DOCK8: variants seen among roughly 807,000 people sequenced by gnomAD.
The protein encoded by DOCK8 is dedicator of cytokinesis 8.
DOCK8 carries 141 observed loss-of-function variants against 245.6 expected under a neutral mutation model. That is an observed-to-expected ratio of 0.57 (90% CI 0.50 to 0.66). The LOEUF (loss-of-function observed/expected upper bound fraction) is 0.66, where lower values mean the gene tolerates loss of function less well. Ranked by LOEUF, DOCK8 falls within the 30% of genes least tolerant of loss-of-function variation. The probability of loss-of-function intolerance (pLI) is 0.00; values close to 1 mark genes in which losing one functional copy is unlikely to be tolerated. For synonymous variants in DOCK8, 1,168 were observed against 970.2 expected (o/e 1.20, Z -3.79); for missense variants, 2,965 against 2,603.4 (o/e 1.14, Z -3.02).
intron 40 of DOCK8, among the ~76,000 whole-genome samples, chr9:440,954 G>A (rs1241469396): frequency 6.6e-6 from 1 of 152,008 alleles, no homozygotes; most frequent in African/African-American, 2.4e-5. Context: ...AGGATGATCT[G>A]AACTTCTGGG....
At chr9:257,047 A>G (rs1243834681) in intron 1 of DOCK8, among the ~76,000 whole-genome samples, 1 of 152,182 alleles carries the variant, frequency 6.6e-6, no homozygotes, top group Non-Finnish European at 1.5e-5. Context: ...GCTTTTTCTT[A>G]AAGTAAATAA....
At chr9:331,537 A>G (rs966336470) in intron 9 of DOCK8, among the ~76,000 whole-genome samples, 5 of 152,104 alleles carry the variant, frequency 3.3e-5, no homozygotes, top group African/African-American at 9.7e-5. Context: ...TGTTGACCCA[A>G]ATTCTTTCTT....
chr9:464,418 G>A lies in DOCK8; in HGVS notation c.*199G>A. ...TGACCAGATTTTTGCCATACTGGGG[G>A]GTGGCGGGATGGAGGATGGGTACTC... On this transcript the variant is annotated 3_prime_UTR_variant, in exon 48 of 48. Coordinates refer to ENST00000432829, the MANE Select transcript of DOCK8 (RefSeq NM_203447.4). 3.1e-6 allele frequency: 2 copies of A among 643,394 alleles called. No homozygotes were observed. The highest frequency in any genetic ancestry group is 5.6e-6 in the Non-Finnish European group (2 of 358,978). The allele number at this position is 643,394 out of a possible 1,614,324, so 39.9% of individuals were successfully genotyped here.
intron 7 of DOCK8, among the ~76,000 whole-genome samples, chr9:323,166 C>G (rs2050597259): frequency 6.7e-6 from 1 of 149,572 alleles, no homozygotes. Context: ...CATAGAAATC[C>G]TCAACACTGG....
chr9:405,164 C>T (rs2055355124), intron 27 of DOCK8, 91 bp downstream of exon 27: 10 of 1,347,016 alleles, frequency 7.4e-6, no homozygotes, highest in Non-Finnish European at 1.0e-5. Flanking sequence ...AAAGGTTAGT[C>T]TTATTAATTT....
chr9:341,325 C>A (rs893350739), intron 14 of DOCK8, among the ~76,000 whole-genome samples: 3 of 152,206 alleles, frequency 2.0e-5, no homozygotes, highest in African/African-American at 7.2e-5. Context: ...TCCATGGGGT[C>A]TGGAAGGAGT....
intron 26 of DOCK8, among the ~76,000 whole-genome samples, chr9:399,668 G>A (rs931448738): frequency 6.6e-6 from 1 of 151,766 alleles, no homozygotes; most frequent in Admixed American, 6.5e-5. Context: ...GCTCCGACTT[G>A]AAAGAACCTT....
chr9:449,380 G>C (rs2057361343), intron 44 of DOCK8, among the ~76,000 whole-genome samples: 1 of 131,796 alleles, frequency 7.6e-6, no homozygotes, highest in Non-Finnish European at 1.7e-5. Context: ...TAAGTAAGTT[G>C]AGTAACTTGC....
At chr9:392,862 T>C (rs1046741927) in intron 24 of DOCK8, among the ~76,000 whole-genome samples, 10 of 151,874 alleles carry the variant, frequency 6.6e-5, no homozygotes, top group Non-Finnish European at 1.5e-4. Flanking sequence ...CCTGCTTCTA[T>C]TTACACATCC....
chr9:292,329 G>A (rs1483710783), intron 4 of DOCK8, among the ~76,000 whole-genome samples: 1 of 126,122 alleles, frequency 7.9e-6, no homozygotes, highest in Non-Finnish European at 1.6e-5. Flanking sequence ...AGAGGTTGTG[G>A]TGAGCCAAGA....
Position 441,998 on chromosome 9 carries a change from C to G in DOCK8, c.5479C>G (p.His1827Asp). 1.2e-6 allele frequency: 2 copies of G among 1,614,008 alleles called. No individual in the cohort carries two copies. The highest frequency in any genetic ancestry group is 1.7e-6 in the Non-Finnish European group (2 of 1,180,012). The change falls in exon 42 of 48, where the codon CAT becomes GAT. Residue 1827 changes from histidine (H) to aspartate (D), a missense_variant. This residue lies in a region of DOCK8 where 2,825 missense variants were observed against 2,453.5 expected (regional missense o/e 1.15). Transcript: ENST00000432829. The part of the protein sequence containing the change: ...PAITKLPEIS[H>D]RLEAFYGQCF... The stretch of plus-strand genomic sequence containing the variant: ...AATTACCAAGCTTCCTGAGATCTCA[C>G]ATAGACTAGAGGTAAGAAAAGTGAT...
rs531279290 is a variant in DOCK8 at position 336,687 on chromosome 9, C to A, written c.1391C>A (p.Ser464Tyr). 207 of 1,614,040 alleles carry A rather than the reference C, an allele frequency of 1.3e-4. 2 individuals are homozygous for A. The South Asian group carries it at 2.1e-3, about 16-fold the overall frequency. ...GGGGTTGGATCCAACTTCAAAACCT[C>A]CACTCTGAGCGTTAGCAGCTTTTTC... ...ENGVGSNFKT[S>Y]TLSVSSFFKQ... is the part of the protein sequence containing the mutation. The change falls in exon 12 of 48, where the codon TCC becomes TAC. Residue 464 changes from serine to tyrosine, a missense_variant. Coordinates refer to ENST00000432829, the MANE Select transcript of DOCK8 (RefSeq NM_203447.4).
chr9:305,240 T>A (rs2049765002), intron 5 of DOCK8, among the ~76,000 whole-genome samples: 2 of 152,198 alleles, frequency 1.3e-5, no homozygotes, highest in South Asian at 4.1e-4. Flanking sequence ...ACTTAGTGCC[T>A]AGTCAATGCT....
intron 14 of DOCK8, among the ~76,000 whole-genome samples, chr9:353,412 A>T (rs1231185481): frequency 6.6e-6 from 1 of 152,218 alleles, no homozygotes; most frequent in Non-Finnish European, 1.5e-5. Context: ...ATTTTAATGA[A>T]GATTATTGAT....
chr9:464,409 A>G lies in DOCK8; in HGVS notation c.*190A>G, dbSNP rs2057909204. 6.1e-6 allele frequency: 4 copies of G among 658,170 alleles called. No homozygotes were observed. The highest frequency in any genetic ancestry group is 1.1e-5 in the Non-Finnish European group (4 of 366,342). 40.8% of individuals were successfully genotyped at this position (658,170 alleles called of 1,614,324 possible). ...AATGGACTCTGACCAGATTTTTGCC[A>G]TACTGGGGGGTGGCGGGATGGAGGA... On this transcript the variant is annotated 3_prime_UTR_variant, in exon 48 of 48. Transcript: ENST00000432829.
intron 2 of DOCK8, among the ~76,000 whole-genome samples, chr9:278,403 A>G (rs896569292): frequency 2.0e-5 from 3 of 152,224 alleles, no homozygotes; most frequent in Non-Finnish European, 2.9e-5. Context: ...AGAAATATGT[A>G]TTGGGTCTCT....
chr9:389,180 C>T (rs1638399653), intron 23 of DOCK8, among the ~76,000 whole-genome samples: 1 of 152,172 alleles, frequency 6.6e-6, no homozygotes. Context: ...AGGACCAGGA[C>T]ATTATCAGGC....
At chr9:458,112 C>G (rs2057698022) in intron 46 of DOCK8, 1 of 152,180 alleles carries the variant, frequency 6.6e-6, no homozygotes, top group South Asian at 2.1e-4. Flanking sequence ...TTATTTTTCT[C>G]TCACATTAAA....
At chr9:220,390 G>C (rs1202298903) in intron 1 of DOCK8, among the ~76,000 whole-genome samples, 1 of 152,132 alleles carries the variant, frequency 6.6e-6, no homozygotes, top group African/African-American at 2.4e-5. Flanking sequence ...CTTCTTCATA[G>C]ACCAGTGGAA....
Sources: allele counts gnomAD v4.1 joint callset (sites outside exome capture counted in the v4.1 genomes callset), GRCh38; gene constraint gnomAD v4.1.1; regional missense constraint gnomAD v4.1.1; transcripts MANE v1.5; gene names NCBI Gene and HGNC (gene_info 2026-07-23, HGNC 2026-07-21).